Variants in FAM241A observed in about 807,000 individuals in gnomAD.
FAM241A encodes family with sequence similarity 241 member A.
FAM241A carries 7 observed loss-of-function variants against 12.2 expected under a neutral mutation model. The observed-to-expected ratio is 0.58, with a 90% CI of 0.33 to 1.08. FAM241A has a LOEUF of 1.08. FAM241A is among the 50% of genes least tolerant of loss of function. The pLI is 0.04. For missense variants in FAM241A, 161 were observed against 169.7 expected (o/e 0.95, Z 0.29); for synonymous variants, 74 against 68.2 (o/e 1.08, Z -0.42).
intron 1 of FAM241A, among the ~76,000 whole-genome samples, chr4:112,182,439 A>G (rs1028014419): frequency 1.3e-5 from 2 of 152,050 alleles, no homozygotes; most frequent in Admixed American, 6.6e-5. Context: ...CAATTTACCC[A>G]CTTGCAATAT....
rs1363670417 is a variant in FAM241A at position 112,192,327 on chromosome 4, ATT to A, written c.*5394_*5395del. ...ATAGACCTTTATTTACTACATTTTA[ATT>A]TTTTAATTTTTTTCTTTTATTTTAT... On this transcript the variant is annotated 3_prime_UTR_variant, in exon 2 of 2. Transcript: ENST00000309733. The A allele has an allele frequency of 1.3e-5, 2 of 151,594 alleles. No homozygotes were observed. The highest frequency in any genetic ancestry group is 2.9e-5 in the Non-Finnish European group (2 of 67,978). The allele number at this position is 151,594 out of a possible 1,614,324, so 9.4% of individuals were successfully genotyped here.
chr4:112,151,109 G>T (rs1420954198), intron 1 of FAM241A, among the ~76,000 whole-genome samples: 1 of 152,198 alleles, frequency 6.6e-6, no homozygotes, highest in Admixed American at 6.5e-5. Context: ...GGTGGGATCT[G>T]GTGGGAGGTG....
Position 112,189,405 on chromosome 4 carries a change from A to G in FAM241A, c.*2467A>G, listed in dbSNP as rs1322964640. The G allele has an allele frequency of 2.0e-5, 3 of 151,748 alleles. No homozygotes were observed. The highest frequency in any genetic ancestry group is 2.9e-5 in the Non-Finnish European group (2 of 67,968). 9.4% of individuals were successfully genotyped at this position (151,748 alleles called of 1,614,324 possible). On this transcript the variant is annotated 3_prime_UTR_variant, in exon 2 of 2. Transcript: ENST00000309733. ...AAAAAAAAAAAAAAAATTGGATTGA[A>G]AATGATTCTCATCATTTCAATCTCA...
chr4:112,156,532 T>G (rs967732342), intron 1 of FAM241A, among the ~76,000 whole-genome samples: 31 of 152,202 alleles, frequency 2.0e-4, no homozygotes, highest in Non-Finnish European at 4.1e-4. Flanking sequence ...ATGGCAAATG[T>G]TTCAGAAAAT....
In FAM241A at chr4:112,194,716, A is replaced by T. The variant is rs1055176949; in HGVS notation, c.*7778A>T. The T allele has an allele frequency of 3.3e-5, 5 of 152,186 alleles. No homozygotes were observed. The highest frequency in any genetic ancestry group is 5.9e-5 in the Non-Finnish European group (4 of 68,064). The allele number at this position is 152,186 out of a possible 1,614,324, so 9.4% of individuals were successfully genotyped here. A position where few individuals can be genotyped will look rare whatever the true frequency, so the allele number is the denominator to read the frequency against. On this transcript the variant is annotated 3_prime_UTR_variant, in exon 2 of 2. Coordinates refer to ENST00000309733, the MANE Select transcript of FAM241A (RefSeq NM_152400.3). ...GATGAAGCCCACTTGAACATGGTGGATAAGCTTTTTGATGTGCTGCTGGAT... is the reference window on the plus strand; with the variant it reads ...GATGAAGCCCACTTGAACATGGTGGTTAAGCTTTTTGATGTGCTGCTGGAT...
intron 1 of FAM241A, among the ~76,000 whole-genome samples, chr4:112,158,418 C>G (rs1723395490): frequency 6.6e-6 from 1 of 152,036 alleles, no homozygotes; most frequent in African/African-American, 2.4e-5. Context: ...CATATACTTT[C>G]TTGATAGCTT....
At chr4:112,180,957 G>T (rs1392127033) in intron 1 of FAM241A, among the ~76,000 whole-genome samples, 2 of 152,288 alleles carry the variant, frequency 1.3e-5, no homozygotes, top group East Asian at 3.9e-4. Context: ...TTTACTTGAG[G>T]AGTATATGTG....
chr4:112,154,942 A>C, intron 1 of FAM241A, among the ~76,000 whole-genome samples: 1 of 152,052 alleles, frequency 6.6e-6, no homozygotes, highest in East Asian at 1.9e-4. Context: ...GCTGAGGTAG[A>C]AGAATCGCTT....
In FAM241A at chr4:112,194,625, G is replaced by T. The variant is rs572727796; in HGVS notation, c.*7687G>T. 4.6e-5 allele frequency: 7 copies of T among 152,072 alleles called. No homozygotes were observed. The highest frequency in any genetic ancestry group is 8.8e-5 in the Non-Finnish European group (6 of 67,986). 9.4% of individuals were successfully genotyped at this position (152,072 alleles called of 1,614,324 possible). A position where few individuals can be genotyped will look rare whatever the true frequency, so the allele number is the denominator to read the frequency against. ...AGATAATCATGTGGTTTTTGTCTTT[G>T]GTTCTGTTTATATGCTGGATTACAT... On this transcript the variant is annotated 3_prime_UTR_variant, in exon 2 of 2. Coordinates refer to ENST00000309733, the MANE Select transcript of FAM241A (RefSeq NM_152400.3).
At chr4:112,163,623 A>G (rs1723528763) in intron 1 of FAM241A, among the ~76,000 whole-genome samples, 1 of 152,252 alleles carries the variant, frequency 6.6e-6, no homozygotes. Context: ...ACCATCTCAC[A>G]CCAGTTAGAA....
rs1181439160 is a variant in FAM241A, at chr4:112,189,825, T to C, written c.*2887T>C. On this transcript the variant is annotated 3_prime_UTR_variant, in exon 2 of 2. Coordinates refer to ENST00000309733, the MANE Select transcript of FAM241A (RefSeq NM_152400.3). The stretch of plus-strand genomic sequence containing the variant: ...GTGAGAGTATTTACACCAAAAAAAT[T>C]AGTAAACACTGCAAATCAGATCTTT... 2 of 151,094 alleles carry C rather than the reference T, an allele frequency of 1.3e-5. No homozygotes were observed. The highest frequency in any genetic ancestry group is 4.9e-5 in the African/African-American group (2 of 40,990). The allele number at this position is 151,094 out of a possible 1,614,324, so 9.4% of individuals were successfully genotyped here. A position where few individuals can be genotyped will look rare whatever the true frequency, so the allele number is the denominator to read the frequency against.
Position 112,191,038 on chromosome 4 carries a change from T to C in FAM241A, c.*4100T>C, listed in dbSNP as rs972924435. On this transcript the variant is annotated 3_prime_UTR_variant, in exon 2 of 2. Transcript: ENST00000309733. ...TGCTTGCCCAATATTTATTTGCATT[T>C]GGTTATCCCATAGTACCCAAGACTC... 3 of 152,248 alleles carry C rather than the reference T, an allele frequency of 2.0e-5. No individual in the cohort carries two copies. The highest frequency in any genetic ancestry group is 7.2e-5 in the African/African-American group (3 of 41,448). The allele number at this position is 152,248 out of a possible 1,614,324, so 9.4% of individuals were successfully genotyped here.
Position 112,181,400 on chromosome 4 carries a change from T to A in FAM241A, c.154-5293T>A, listed in dbSNP as rs77368547. Among the ~76,000 whole-genome samples, 134 of 152,332 alleles carry A rather than the reference T, an allele frequency of 8.8e-4. No homozygotes were observed. In the East Asian group the frequency reaches 0.013, roughly 15 times the overall value. On this transcript the variant is annotated intron_variant, in intron 1 of 1. Coordinates refer to ENST00000309733, the MANE Select transcript of FAM241A (RefSeq NM_152400.3). ...GCCTGCCAGAAAAATACATGATAAT[T>A]TCTTCCTGTTTATTCAACAAATATT...
At chr4:112,180,301 C>T (rs1723908624) in intron 1 of FAM241A, among the ~76,000 whole-genome samples, 2 of 152,040 alleles carry the variant, frequency 1.3e-5, no homozygotes, top group South Asian at 2.1e-4. Flanking sequence ...ACCTCAGCAT[C>T]ATGCAGTATA....
intron 1 of FAM241A, among the ~76,000 whole-genome samples, chr4:112,159,175 A>T (rs543865441): frequency 2.0e-5 from 3 of 152,208 alleles, no homozygotes; most frequent in African/African-American, 7.2e-5. Flanking sequence ...AGAATTACCT[A>T]CTTGGCTGTG....
chr4:112,147,613 A>C (rs1006693390), intron 1 of FAM241A, among the ~76,000 whole-genome samples: 3 of 152,224 alleles, frequency 2.0e-5, no homozygotes, highest in African/African-American at 4.8e-5. Flanking sequence ...ACATGTGTAA[A>C]GATATTTGAG....
intron 1 of FAM241A, among the ~76,000 whole-genome samples, chr4:112,164,865 C>A (rs545303032): frequency 6.6e-6 from 1 of 152,224 alleles, no homozygotes; most frequent in African/African-American, 2.4e-5. Context: ...AATCCCAGCA[C>A]TTTGGGAGGC....
chr4:112,186,808 T>A lies in FAM241A; in HGVS notation c.269T>A (p.Met90Lys). The change falls in exon 2 of 2, where the codon ATG (methionine) becomes AAG (lysine). Residue 90 changes from methionine (M) to lysine (K), a missense_variant. Coordinates refer to ENST00000309733, the MANE Select transcript of FAM241A (RefSeq NM_152400.3). ...CTTATCAACATGGGCTTCACAAGGA[T>A]GTATTTTGGAGAACGAATAGTGGAA... ...KNLINMGFTRMYFGERIVEPV... is the reference protein window; with the variant it reads ...KNLINMGFTRKYFGERIVEPV... 2 of 1,614,006 alleles carry A rather than the reference T, an allele frequency of 1.2e-6. No homozygotes were observed. Among genetic ancestry groups the A allele is most frequent in the Non-Finnish European group, 1.7e-6 (2 of 1,179,986 alleles).
chr4:112,169,542 A>T (rs1189026736), intron 1 of FAM241A, among the ~76,000 whole-genome samples: 1 of 152,230 alleles, frequency 6.6e-6, no homozygotes, highest in Non-Finnish European at 1.5e-5. Flanking sequence ...ATCCTCAGGA[A>T]TTGGATGGAC....
Sources: gnomAD v4.1 joint callset for allele counts (sites outside exome capture counted in the v4.1 genomes callset) on GRCh38, gnomAD v4.1.1 for gene constraint, MANE v1.5 for transcripts, NCBI Gene and HGNC (gene_info 2026-07-23, HGNC 2026-07-21) for gene names.